The following MPPE1 variants were observed in gnomAD, a reference collection of about 807,000 sequenced individuals.
MPPE1 encodes metallo phosphoesterase.
Under a neutral mutation model 43.8 loss-of-function variants are expected in MPPE1, and 28 were observed. That is an observed-to-expected ratio of 0.64 (90% CI 0.47 to 0.88). The LOEUF is 0.88. Among genes scored for constraint, MPPE1 ranks in the 40% least tolerant of loss-of-function variants. The pLI, the probability that MPPE1 is intolerant of heterozygous loss-of-function variation, is 0.00. For synonymous variants in MPPE1, 159 were observed against 188.5 expected (o/e 0.84, Z 1.28); for missense variants, 428 against 492.2 (o/e 0.87, Z 1.23).
At chr18:11,884,918 A>C in intron 10 of MPPE1, 1 of 1,289,694 alleles carries the variant, frequency 7.8e-7, no homozygotes, top group Non-Finnish European at 1.0e-6. Flanking sequence ...TTCCCATCAA[A>C]TATAGTGGGG....
chr18:11,898,638 G>C (rs991316577), intron 2 of MPPE1, among the ~76,000 whole-genome samples: 1 of 151,960 alleles, frequency 6.6e-6, no homozygotes, highest in African/African-American at 2.4e-5. Context: ...ATATTTTTCA[G>C]ACTTTCGGGC....
intron 4 of MPPE1, chr18:11,893,143 CATCT>C (rs2038187368): frequency 2.4e-5 from 6 of 252,914 alleles, no homozygotes; most frequent in Non-Finnish European, 4.5e-5. Flanking sequence ...ACTGAAATAA[CATCT>C]ATCTTGCCCG....
chr18:11,894,035 T>C (rs943126870), intron 3 of MPPE1, among the ~76,000 whole-genome samples: 2 of 152,120 alleles, frequency 1.3e-5, no homozygotes, highest in African/African-American at 2.4e-5. Context: ...ACAAGAGAAA[T>C]AGGCTAGCTA....
At chr18:11,890,148 T>C (rs924885348) in intron 4 of MPPE1, among the ~76,000 whole-genome samples, 8 of 151,404 alleles carry the variant, frequency 5.3e-5, no homozygotes, top group Admixed American at 2.6e-4. Flanking sequence ...TTCACTGTGT[T>C]AGCCAGGATG....
chr18:11,886,973 A>G lies in MPPE1; in HGVS notation c.622T>C (p.Ser208Pro), dbSNP rs2037370775. Residue 208 changes from serine (S) to proline (P), a missense_variant, in exon 7 of 11, where the codon TCT becomes CCT. Coordinates refer to ENST00000588072, the MANE Select transcript of MPPE1 (RefSeq NM_023075.6). This position sits in a 1 kb window ranked among gnomAD's most constrained non-coding sequence, Gnocchi z 4.1. ...ALNGDGCGIC[S>P]ETEAELIEVS... is the part of the protein sequence containing the mutation. ...TCAATGAGCTCTGCTTCTGTTTCAG[A>G]GCAGATGCCACAGCCATCCCCGTTC... 6.2e-7 allele frequency: 1 copy of G among 1,613,952 alleles called. No homozygotes were observed. The highest frequency in any genetic ancestry group is 1.3e-5 in the African/African-American group (1 of 75,062).
chr18:11,888,759 A>T lies in MPPE1; in HGVS notation c.495-16T>A. ...TGTGTTCATCCTATATTCAATTGTG[A>T]GAAGAAACATTTTTCAGGACAAGCC... is the stretch of plus-strand genomic sequence containing the variant. On this transcript the variant is annotated splice_polypyrimidine_tract_variant and intron_variant, in intron 5 of 10. Coordinates refer to ENST00000588072, the MANE Select transcript of MPPE1 (RefSeq NM_023075.6). 1 of 1,516,486 alleles carries T rather than the reference A, an allele frequency of 6.6e-7. No individual in the cohort carries two copies. Among genetic ancestry groups the T allele is most frequent in the Non-Finnish European group, 8.9e-7 (1 of 1,119,908 alleles). The allele number at this position is 1,516,486 out of a possible 1,614,324, so 93.9% of individuals were successfully genotyped here. A position where few individuals can be genotyped will look rare whatever the true frequency, so the allele number is the denominator to read the frequency against.
At position 11,906,802 on chromosome 18, in the gene MPPE1, C is replaced by T. The variant is rs550226475; in HGVS notation, c.-199-493G>A. Among the ~76,000 whole-genome samples the T allele has an allele frequency of 9.5e-5, 14 of 146,678 alleles. No homozygotes were observed. In the South Asian group the frequency reaches 1.9e-3, roughly 20 times the overall value. The stretch of plus-strand genomic sequence containing the variant: ...GCGGGAGGCGGAGGTTGTAGTGAGC[C>T]GAGATCGCGCCATTGCACTCCAGCC... On this transcript the variant is annotated intron_variant, in intron 1 of 10. Coordinates refer to ENST00000588072, the MANE Select transcript of MPPE1 (RefSeq NM_023075.6).
chr18:11,888,858 G>A, intron 5 of MPPE1, 115 bp from the exon 6 acceptor site: 1 of 571,228 alleles, frequency 1.8e-6, no homozygotes, highest in Non-Finnish European at 3.0e-6. Flanking sequence ...AGCATTATTA[G>A]TTAAGGGCTC....
At chr18:11,896,693 T>C (rs552126019) in intron 3 of MPPE1, among the ~76,000 whole-genome samples, 2 of 152,352 alleles carry the variant, frequency 1.3e-5, no homozygotes, top group Non-Finnish European at 2.9e-5. Context: ...CATCTTGTGA[T>C]GTTTCTTGTC....
chr18:11,887,061 G>A (rs562646732), intron 6 of MPPE1, 36 bp from the exon 7 acceptor site: 12 of 1,478,156 alleles, frequency 8.1e-6, no homozygotes, highest in Admixed American at 7.0e-5. Context: ...GGCCGCTGGG[G>A]GTATCAGTGC....
chr18:11,894,670 G>A (rs950506257), intron 3 of MPPE1, among the ~76,000 whole-genome samples: 5 of 151,156 alleles, frequency 3.3e-5, no homozygotes, highest in South Asian at 4.2e-4. Context: ...GGCTCAATGC[G>A]ACCTCTGCCT....
rs2037191523 is a variant in MPPE1 at position 11,886,075 on chromosome 18, C to T, written c.868-259G>A. Reference sequence around the variant, plus strand: ...ATTTTATCTTTATAAATATTTTATACATTTATCTTATAAATATTTCTTATA... The same window carrying T: ...ATTTTATCTTTATAAATATTTTATATATTTATCTTATAAATATTTCTTATA... On this transcript the variant is annotated intron_variant, in intron 9 of 10. Transcript: ENST00000588072. The surrounding 1 kb of genome is among the most constrained non-coding windows in gnomAD (Gnocchi z 4.1). 4.9e-6 allele frequency: 1 copy of T among 205,064 alleles called. No homozygotes were observed. The highest frequency in any genetic ancestry group is 9.4e-6 in the Non-Finnish European group (1 of 106,830). The allele number at this position is 205,064 out of a possible 1,614,324, so 12.7% of individuals were successfully genotyped here. A position where few individuals can be genotyped will look rare whatever the true frequency, so the allele number is the denominator to read the frequency against.
rs752397156 is a variant in MPPE1, at chr18:11,884,589, G to A, written c.1047C>T (p.Cys349=). The A allele has an allele frequency of 7.4e-6, 12 of 1,613,810 alleles. No homozygotes were observed. Among genetic ancestry groups the A allele is most frequent in the Admixed American group, 1.7e-5 (1 of 59,992 alleles). The change falls in exon 11 of 11, where the codon TGC becomes TGT. Residue 349 remains cysteine (C), a synonymous_variant. Coordinates refer to ENST00000588072, the MANE Select transcript of MPPE1 (RefSeq NM_023075.6). ...AAACCACATCCTCACGTGGGAGGTA[G>A]CACTTGGAGAGGGTGTAGTCTGTGG... is the stretch of plus-strand genomic sequence containing the variant. ...ITPTDYTLSK[C]YLPREDVVLI...
chr18:11,890,043 C>A (rs992060215), intron 4 of MPPE1, among the ~76,000 whole-genome samples: 1 of 149,984 alleles, frequency 6.7e-6, no homozygotes, highest in East Asian at 2.0e-4. Context: ...CCGGGGTTCA[C>A]GCCATTCTCC....
At chr18:11,890,099 C>T (rs1048226835) in intron 4 of MPPE1, among the ~76,000 whole-genome samples, 35 of 150,724 alleles carry the variant, frequency 2.3e-4, no homozygotes, top group South Asian at 6.3e-4. Flanking sequence ...CCCGCCACCA[C>T]GCCCGACTAA....
chr18:11,899,160 C>T (rs944192995), intron 2 of MPPE1, among the ~76,000 whole-genome samples: 1 of 152,082 alleles, frequency 6.6e-6, no homozygotes, highest in African/African-American at 2.4e-5. Flanking sequence ...AGTGATTCAC[C>T]CGCCTCAGCT....
At chr18:11,908,072 G>A (rs894514884) in intron 1 of MPPE1, 129 bp downstream of exon 1, 1 of 152,086 alleles carries the variant, frequency 6.6e-6, no homozygotes, top group Non-Finnish European at 1.5e-5. Context: ...TGGGCCTTAA[G>A]TCACCGAGAT....
chr18:11,891,841 C>T (rs930481422), intron 4 of MPPE1, among the ~76,000 whole-genome samples: 4 of 152,094 alleles, frequency 2.6e-5, no homozygotes, highest in African/African-American at 9.7e-5. Flanking sequence ...TTTTTTGAGA[C>T]AGCGTCTCAC....
chr18:11,908,184 G>A lies in MPPE1; in HGVS notation c.-200+17C>T, dbSNP rs1392252194. 6.6e-6 allele frequency: 1 copy of A among 152,232 alleles called. No homozygotes were observed. The highest frequency in any genetic ancestry group is 2.4e-5 in the African/African-American group (1 of 41,468). 9.4% of individuals were successfully genotyped at this position (152,232 alleles called of 1,614,324 possible). A position where few individuals can be genotyped will look rare whatever the true frequency, so the allele number is the denominator to read the frequency against. On this transcript the variant is annotated intron_variant, in intron 1 of 10. Coordinates refer to ENST00000588072, the MANE Select transcript of MPPE1 (RefSeq NM_023075.6). Reference sequence around the variant, plus strand: ...TTAGAAGTTTAAATGTTGTCACACGGGCGCAAGAATACATACAACAGCCAT... The same window carrying A: ...TTAGAAGTTTAAATGTTGTCACACGAGCGCAAGAATACATACAACAGCCAT...
Sources: gnomAD v4.1 joint callset for allele counts (sites outside exome capture counted in the v4.1 genomes callset) on GRCh38, gnomAD v4.1.1 for gene constraint, Gnocchi (gnomAD v3.1) non-coding constraint, MANE v1.5 for transcripts, NCBI Gene and HGNC (gene_info 2026-07-23, HGNC 2026-07-21) for gene names.